The following CPB2 variants were observed in gnomAD, a reference collection of about 807,000 sequenced individuals.
CPB2 encodes the protein carboxypeptidase B-like protein.
CPB2 carries 54 observed loss-of-function variants against 57.0 expected under a neutral mutation model. The ratio of observed to expected loss-of-function variants is 0.95; its 90% CI spans 0.76 to 1.19. The LOEUF (loss-of-function observed/expected upper bound fraction) is 1.19, where lower values mean the gene tolerates loss of function less well. CPB2 is among the 50% of genes most tolerant of loss of function. The pLI, the probability that CPB2 is intolerant of heterozygous loss-of-function variation, is 0.00. For missense variants in CPB2, 426 were observed against 512.0 expected, an observed-to-expected ratio of 0.83 and a Z score of 1.62; for synonymous variants, 189 against 178.1, an observed-to-expected ratio of 1.06 and a Z score of -0.49.
chr13:46,083,341 C>T (rs957656391), intron 3 of CPB2, among the ~76,000 whole-genome samples: 21 of 152,124 alleles, frequency 1.4e-4, no homozygotes, highest in African/African-American at 3.9e-4. Context: ...ATCTACTTCA[C>T]GGGGTTAAAT....
intron 1 of CPB2, among the ~76,000 whole-genome samples, chr13:46,089,925 T>C (rs2045266736): frequency 6.6e-6 from 1 of 152,228 alleles, no homozygotes; most frequent in African/African-American, 2.4e-5. Context: ...TAAGACAGAA[T>C]TAACCCTATA....
intron 2 of CPB2, among the ~76,000 whole-genome samples, chr13:46,087,304 G>GAT (rs1213813739): frequency 6.6e-6 from 1 of 152,250 alleles, no homozygotes; most frequent in African/African-American, 2.4e-5. Context: ...AGCCGCTCTA[G>GAT]ATGGGCCGCC....
chr13:46,058,129 T>A, intron 9 of CPB2, 50 bp downstream of exon 9: 1 of 1,539,320 alleles, frequency 6.5e-7, no homozygotes, highest in Non-Finnish European at 8.9e-7. Context: ...CAACTAAGTA[T>A]TATTTTATTT....
chr13:46,082,134 T>C (rs140765657), intron 4 of CPB2, among the ~76,000 whole-genome samples: 1,973 of 152,302 alleles, frequency 0.013, 37 homozygotes, highest in African/African-American at 0.044. Flanking sequence ...AATTTTTTGG[T>C]GGCAGTTTTA....
rs1049552980 is a variant in CPB2 at position 46,072,257 on chromosome 13, A to C, written c.591+1616T>G. Reference sequence around the variant, plus strand: ...TGTAGAAAAGAGTGAGAGACTTAAAAGCTAAGATTTTAATTTGCCTTTGGG... The same window carrying C: ...TGTAGAAAAGAGTGAGAGACTTAAACGCTAAGATTTTAATTTGCCTTTGGG... On this transcript the variant is annotated intron_variant, in intron 6 of 10. Transcript: ENST00000181383. Among the ~76,000 whole-genome samples the C allele has an allele frequency of 3.9e-5, 6 of 152,320 alleles. No homozygotes were observed. The East Asian group carries it at 9.6e-4, about 24-fold the overall frequency.
intron 8 of CPB2, among the ~76,000 whole-genome samples, chr13:46,060,214 G>A (rs2044752635): frequency 6.6e-6 from 1 of 152,164 alleles, no homozygotes; most frequent in Non-Finnish European, 1.5e-5. Context: ...TATAATCCCA[G>A]CACTTTGGGA....
intron 9 of CPB2, among the ~76,000 whole-genome samples, chr13:46,056,868 A>G (rs1279922441): frequency 6.6e-6 from 1 of 152,158 alleles, no homozygotes; most frequent in Non-Finnish European, 1.5e-5. Flanking sequence ...GACAGTAACT[A>G]CTTTATCTCC....
At chr13:46,102,403 TG>T (rs2045445043) in intron 1 of CPB2, among the ~76,000 whole-genome samples, 1 of 152,182 alleles carries the variant, frequency 6.6e-6, no homozygotes. Flanking sequence ...CCTTTCCCTT[TG>T]GCATATGATA....
At chr13:46,054,372 A>C (rs533477991) in intron 10 of CPB2, among the ~76,000 whole-genome samples, 1 of 151,772 alleles carries the variant, frequency 6.6e-6, no homozygotes, top group Non-Finnish European at 1.5e-5. Flanking sequence ...TTCTCCTTTC[A>C]TTCATTTCTC....
At chr13:46,099,602 G>C (rs2139426552) in intron 1 of CPB2, 1 of 152,330 alleles carries the variant, frequency 6.6e-6, no homozygotes, top group Admixed American at 6.5e-5. Flanking sequence ...GTGTTGACTA[G>C]AGCATAATAT....
Position 46,058,288 on chromosome 13 carries a change from C to T in CPB2, c.890G>A (p.Arg297Lys), listed in dbSNP as rs766611053. Residue 297 changes from arginine (R) to lysine (K), a missense_variant, in exon 9 of 11, where the codon AGA becomes AAA. Coordinates refer to ENST00000181383, the MANE Select transcript of CPB2 (RefSeq NM_001872.5). ...PEVKAVASFLRRNINQIKAYI... is the reference protein window; with the variant it reads ...PEVKAVASFLKRNINQIKAYI... Reference sequence around the variant, plus strand: ...TGCTTTAATCTGGTTGATATTTCTTCTCAAGAAACTAGCCACTGCCTTCAC... The same window carrying T: ...TGCTTTAATCTGGTTGATATTTCTTTTCAAGAAACTAGCCACTGCCTTCAC... 2 of 1,614,080 alleles carry T rather than the reference C, an allele frequency of 1.2e-6. No homozygotes were observed. The highest frequency in any genetic ancestry group is 4.5e-5 in the East Asian group (2 of 44,874).
At chr13:46,083,014 G>A (rs568457469) in intron 3 of CPB2, among the ~76,000 whole-genome samples, 94 of 150,804 alleles carry the variant, frequency 6.2e-4, no homozygotes, top group African/African-American at 2.3e-3. Context: ...GTTCTGCAGA[G>A]CCAAAGAAAT....
At chr13:46,092,619 G>A (rs2045309118) in intron 1 of CPB2, among the ~76,000 whole-genome samples, 1 of 152,186 alleles carries the variant, frequency 6.6e-6, no homozygotes. Flanking sequence ...GTCTGGGTGT[G>A]TAAGAATGTC....
At chr13:46,087,142 G>T (rs1233535124) in intron 2 of CPB2, among the ~76,000 whole-genome samples, 1 of 152,208 alleles carries the variant, frequency 6.6e-6, no homozygotes, top group Admixed American at 6.5e-5. Context: ...GGGATGTCCA[G>T]GTCTGTAGCT....
At chr13:46,099,656 TG>T (rs1399516733) in intron 1 of CPB2, 1 of 152,224 alleles carries the variant, frequency 6.6e-6, no homozygotes, top group Non-Finnish European at 1.5e-5. Context: ...TTTAGTAACT[TG>T]GATATTGTGC....
intron 1 of CPB2, among the ~76,000 whole-genome samples, chr13:46,095,322 A>T (rs142211801): frequency 1.0e-4 from 1 of 9,710 alleles, no homozygotes; most frequent in African/African-American, 3.5e-4. Flanking sequence ...TATCAAAATT[A>T]AAAAAAAAAA....
At position 46,053,543 on chromosome 13, in the gene CPB2, T is replaced by A. The variant is rs1466270666; in HGVS notation, c.*71A>T. 2.6e-6 allele frequency: 4 copies of A among 1,545,830 alleles called. No individual in the cohort carries two copies. The highest frequency in any genetic ancestry group is 3.5e-6 in the Non-Finnish European group (4 of 1,145,360). On this transcript the variant is annotated 3_prime_UTR_variant, in exon 11 of 11. Transcript: ENST00000181383. The stretch of plus-strand genomic sequence containing the variant: ...CTACGGATAAAACTTAAAAATAATT[T>A]GATACAATGATTTGGTCTTGCTGGA...
intron 2 of CPB2, among the ~76,000 whole-genome samples, chr13:46,084,653 C>T (rs1276029659): frequency 6.6e-6 from 1 of 151,882 alleles, no homozygotes; most frequent in Non-Finnish European, 1.5e-5. Context: ...TGTAAAATTG[C>T]ATGTGTACAT....
At chr13:46,095,638 C>A (rs1245474365) in intron 1 of CPB2, among the ~76,000 whole-genome samples, 1 of 152,200 alleles carries the variant, frequency 6.6e-6, no homozygotes, top group African/African-American at 2.4e-5. Context: ...GGGACAGACA[C>A]CAGTGCATAT....
Sources: allele counts gnomAD v4.1 joint callset (sites outside exome capture counted in the v4.1 genomes callset), GRCh38; gene constraint gnomAD v4.1.1; transcripts MANE v1.5; gene names NCBI Gene and HGNC (gene_info 2026-07-23, HGNC 2026-07-21).